XKR3: variants seen among roughly 807,000 people sequenced by gnomAD.
XKR3 encodes XK related 3, also known as XK-related protein 3.
A neutral mutation model predicts 40.3 loss-of-function variants in XKR3; 27 were observed. The observed-to-expected ratio is 0.67, with a 90% CI of 0.49 to 0.92. The LOEUF (loss-of-function observed/expected upper bound fraction) is 0.92, where lower values mean the gene tolerates loss of function less well. XKR3 is among the 40% of genes least tolerant of loss of function. The probability of loss-of-function intolerance (pLI) is 0.00; values close to 1 mark genes in which losing one functional copy is unlikely to be tolerated. For synonymous variants in XKR3, 193 were observed against 195.4 expected (o/e 0.99, Z 0.10); for missense variants, 472 against 537.6 (o/e 0.88, Z 1.21).
chr22:16,806,051 G>C (rs561522511), intron 2 of XKR3, among the ~76,000 whole-genome samples: 1 of 152,094 alleles, frequency 6.6e-6, no homozygotes, highest in Non-Finnish European at 1.5e-5. Context: ...TAGAGGTCAG[G>C]AGTTGGAGAC....
chr22:16,799,686 A>T, intron 3 of XKR3, 85 bp downstream of exon 3: 1 of 1,456,242 alleles, frequency 6.9e-7, no homozygotes, highest in Non-Finnish European at 9.2e-7. Flanking sequence ...ATTTGGGATT[A>T]CATATTTCAA....
chr22:16,784,279 C>T lies in XKR3; in HGVS notation c.720G>A (p.Met240Ile). 1 of 1,614,184 alleles carries T rather than the reference C, an allele frequency of 6.2e-7. No homozygotes were observed. Residue 240 changes from methionine (M) to isoleucine (I), a missense_variant, in exon 4 of 4, where the codon ATG (methionine) becomes ATA (isoleucine). Coordinates refer to ENST00000684488, the MANE Select transcript of XKR3 (RefSeq NM_001386955.1). Reference sequence around the variant, plus strand: ...GTGAGATAACCTCCAAAAAACGCCACATCACGACACAGAAGAATTCTATCG... The same window carrying T: ...GTGAGATAACCTCCAAAAAACGCCATATCACGACACAGAAGAATTCTATCG... ...LPPIEFFCVV[M>I]WRFLEVISRV... is the part of the protein sequence containing the mutation.
intron 3 of XKR3, among the ~76,000 whole-genome samples, chr22:16,796,472 A>T (rs2146151550): frequency 1.3e-5 from 2 of 152,274 alleles, no homozygotes; most frequent in South Asian, 4.1e-4. Flanking sequence ...ATCTCAGCAA[A>T]CTGGATCTCA....
At chr22:16,817,344 G>A (rs991138519) in intron 1 of XKR3, among the ~76,000 whole-genome samples, 4 of 55,796 alleles carry the variant, frequency 7.2e-5, no homozygotes, top group Non-Finnish European at 1.5e-4. Flanking sequence ...TTAGGGCATC[G>A]AACGTCCACC....
chr22:16,820,518 C>T (rs1223298821), intron 1 of XKR3, among the ~76,000 whole-genome samples: 2 of 152,128 alleles, frequency 1.3e-5, no homozygotes, highest in Admixed American at 6.6e-5. Context: ...GGTGCTGCAG[C>T]TTCTCAACTG....
intron 1 of XKR3, among the ~76,000 whole-genome samples, chr22:16,808,991 T>C (rs2060202130): frequency 6.6e-6 from 1 of 152,092 alleles, no homozygotes; most frequent in African/African-American, 2.4e-5. Flanking sequence ...AGATAATATT[T>C]CCCCAGAAGA....
intron 3 of XKR3, among the ~76,000 whole-genome samples, chr22:16,799,145 G>A (rs1323877957): frequency 6.6e-6 from 1 of 151,924 alleles, no homozygotes; most frequent in Non-Finnish European, 1.5e-5. Flanking sequence ...TGGGCGCGGT[G>A]GCTCATGCCA....
chr22:16,821,972 T>A (rs1363563538), intron 1 of XKR3, among the ~76,000 whole-genome samples: 3 of 152,102 alleles, frequency 2.0e-5, no homozygotes, highest in Non-Finnish European at 4.4e-5. Flanking sequence ...AAAATCACTA[T>A]TAAAAACTTT....
At chr22:16,810,658 C>T (rs538373252) in intron 1 of XKR3, among the ~76,000 whole-genome samples, 2 of 152,124 alleles carry the variant, frequency 1.3e-5, no homozygotes, top group Non-Finnish European at 2.9e-5. Context: ...AAGATCAACA[C>T]TATTTATATA....
chr22:16,802,831 T>C (rs2146162324), intron 2 of XKR3, among the ~76,000 whole-genome samples: 1 of 152,320 alleles, frequency 6.6e-6, no homozygotes, highest in East Asian at 1.9e-4. Context: ...ACACCAAATG[T>C]GATGCTTGTG....
chr22:16,799,707 T>C, intron 3 of XKR3, 64 bp downstream of exon 3: 1 of 1,517,454 alleles, frequency 6.6e-7, no homozygotes, highest in Non-Finnish European at 8.8e-7. Flanking sequence ...CTTCTCAATT[T>C]CTATTATATT....
At position 16,783,777 on chromosome 22, in the gene XKR3, C is replaced by T; in HGVS notation, c.1222G>A (p.Val408Met). Residue 408 changes from valine (V) to methionine (M), a missense_variant, in exon 4 of 4, where the codon GTG (valine) becomes ATG (methionine). Val to Met is a conservative substitution (Grantham distance 21). Transcript: ENST00000684488. Reference protein sequence around the residue: ...QYLYPWQSGKVLPGRTENQPE... With the variant: ...QYLYPWQSGKMLPGRTENQPE... ...TGATTTTCAGTACGTCCTGGCAACA[C>T]TTTGCCTGACTGCCATGGGTACAAA... 2.5e-6 allele frequency: 4 copies of T among 1,614,136 alleles called. No individual in the cohort carries two copies. In the South Asian group the frequency reaches 3.3e-5, roughly 13 times the overall value.
chr22:16,805,445 C>G (rs1601846550), intron 2 of XKR3, among the ~76,000 whole-genome samples: 1 of 152,218 alleles, frequency 6.6e-6, no homozygotes, highest in Admixed American at 6.5e-5. Flanking sequence ...AATGTAAATA[C>G]ATCACAGGAC....
At chr22:16,816,732 C>T (rs2050852473) in intron 1 of XKR3, among the ~76,000 whole-genome samples, 1 of 151,766 alleles carries the variant, frequency 6.6e-6, no homozygotes, top group Non-Finnish European at 1.5e-5. Flanking sequence ...CATATTCTGC[C>T]TTTTGGCCCT....
rs376900059 is a variant in XKR3 at position 16,790,710 on chromosome 22, T to A, written c.590-6301A>T. On this transcript the variant is annotated intron_variant, in intron 3 of 3. Transcript: ENST00000684488. Reference sequence around the variant, plus strand: ...TGTAGCCCTAAAACTAAAATAGAAGTTAAATTTTAAAAATTAGAAAGAAAA... The same window carrying A: ...TGTAGCCCTAAAACTAAAATAGAAGATAAATTTTAAAAATTAGAAAGAAAA... 2.7e-4 allele frequency among the ~76,000 whole-genome samples: 41 copies of A among 152,160 alleles called. 1 individual carries two copies. In the East Asian group the frequency reaches 4.6e-3, roughly 17 times the overall value.
chr22:16,822,246 T>G (rs2146183760), intron 1 of XKR3, among the ~76,000 whole-genome samples: 1 of 152,242 alleles, frequency 6.6e-6, no homozygotes, highest in African/African-American at 2.4e-5. Context: ...TATTTTAGTG[T>G]TTTAACATTG....
rs1440347217 is a variant in XKR3, at chr22:16,790,306, A to G, written c.590-5897T>C. Among the ~76,000 whole-genome samples the G allele has an allele frequency of 5.3e-5, 8 of 149,728 alleles. No homozygotes were observed. In the South Asian group the frequency reaches 1.7e-3, roughly 33 times the overall value. ...ACAAGCAACAAAACCACCAACAGAC[A>G]AATGAGGTTTCATCCTACTAGAAAG... is the stretch of plus-strand genomic sequence containing the variant. On this transcript the variant is annotated intron_variant, in intron 3 of 3. Transcript: ENST00000684488.
At chr22:16,789,684 T>C (rs28852974) in intron 3 of XKR3, among the ~76,000 whole-genome samples, 1 of 151,938 alleles carries the variant, frequency 6.6e-6, no homozygotes, top group South Asian at 2.1e-4. Flanking sequence ...AAAATTAATA[T>C]GAAACCGCAG....
chr22:16,808,096 A>G lies in XKR3; in HGVS notation c.-10-13T>C. 1 of 1,562,542 alleles carries G rather than the reference A, an allele frequency of 6.4e-7. No individual in the cohort carries two copies. On this transcript the variant is annotated splice_polypyrimidine_tract_variant and intron_variant, in intron 1 of 3. Transcript: ENST00000684488. ...CATTCTCAGGGTGCTGCTAATTCAA[A>G]GTCGTCTTGTCAGTGAATCCAGTAG... is the stretch of plus-strand genomic sequence containing the variant.
Sources: allele counts gnomAD v4.1 joint callset (sites outside exome capture counted in the v4.1 genomes callset), GRCh38; gene constraint gnomAD v4.1.1; transcripts MANE v1.5; gene names NCBI Gene and HGNC (gene_info 2026-07-23, HGNC 2026-07-21).